PLCL2: variants seen among roughly 807,000 people sequenced by gnomAD.
The protein encoded by PLCL2 is phospholipase C like 2.
PLCL2 carries 4 observed loss-of-function variants against 79.6 expected under a neutral mutation model. The ratio of observed to expected loss-of-function variants is 0.05; its 90% CI spans 0.02 to 0.11. PLCL2 has a LOEUF of 0.11. PLCL2 is among the 10% of genes least tolerant of loss of function. PLCL2 has a pLI of 1.00. For synonymous variants in PLCL2, 484 were observed against 457.7 expected (o/e 1.06, Z -0.73); for missense variants, 895 against 1,291.0 (o/e 0.69, Z 4.70).
At position 17,089,640 on chromosome 3, in the gene PLCL2, A is replaced by T. The variant is rs1241995390; in HGVS notation, c.3205-93A>T. The T allele has an allele frequency of 5.2e-6, 4 of 766,566 alleles. No homozygotes were observed. The African/African-American group carries it at 7.0e-5, about 13-fold the overall frequency. 47.5% of individuals were successfully genotyped at this position (766,566 alleles called of 1,614,324 possible). A position where few individuals can be genotyped will look rare whatever the true frequency, so the allele number is the denominator to read the frequency against. ...TAATTATGCCTTCTTGTGGAATCAG[A>T]ATACTTCTATTTCAGTGAAAGATAG... On this transcript the variant is annotated intron_variant, in intron 5 of 5. Coordinates refer to ENST00000615277, the MANE Select transcript of PLCL2 (RefSeq NM_001144382.2).
intron 4 of PLCL2, among the ~76,000 whole-genome samples, chr3:17,050,243 T>C (rs1169914247): frequency 6.6e-6 from 1 of 152,140 alleles, no homozygotes; most frequent in African/African-American, 2.4e-5. Context: ...GGGGAAACTT[T>C]CCAGGCATTG....
chr3:17,072,853 T>C (rs2065073781), intron 5 of PLCL2, among the ~76,000 whole-genome samples: 1 of 152,180 alleles, frequency 6.6e-6, no homozygotes, highest in African/African-American at 2.4e-5. Flanking sequence ...AAGTCACCCA[T>C]GCTTTCCTGC....
intron 4 of PLCL2, among the ~76,000 whole-genome samples, chr3:17,052,255 T>TAAAA: frequency 7.9e-6 from 1 of 126,432 alleles, no homozygotes; most frequent in African/African-American, 2.9e-5. Context: ...AAAAAAAAAT[T>TAAAA]GGGGGGGGGT....
intron 1 of PLCL2, among the ~76,000 whole-genome samples, chr3:16,966,702 A>G (rs1158093406): frequency 6.6e-6 from 1 of 151,932 alleles, no homozygotes; most frequent in Admixed American, 6.6e-5. Flanking sequence ...AGAGCCTGTC[A>G]TTGGTCTATT....
intron 1 of PLCL2, among the ~76,000 whole-genome samples, chr3:16,998,068 T>C (rs2064171780): frequency 6.6e-6 from 1 of 152,192 alleles, no homozygotes; most frequent in African/African-American, 2.4e-5. Flanking sequence ...CCCAGGGCAA[T>C]AGCTTTGCCC....
At chr3:16,940,484 T>G (rs911039384) in intron 1 of PLCL2, among the ~76,000 whole-genome samples, 3 of 152,164 alleles carry the variant, frequency 2.0e-5, no homozygotes, top group African/African-American at 7.2e-5. Flanking sequence ...CAGTAGGTAC[T>G]GGGGGCTAGA....
intron 4 of PLCL2, among the ~76,000 whole-genome samples, chr3:17,058,253 T>C (rs1158184270): frequency 6.6e-6 from 1 of 152,076 alleles, no homozygotes; most frequent in African/African-American, 2.4e-5. Context: ...GAATATCACA[T>C]GGGAAAAACA....
chr3:16,910,261 GT>G (rs948925996), intron 1 of PLCL2, among the ~76,000 whole-genome samples: 1 of 151,500 alleles, frequency 6.6e-6, no homozygotes, highest in South Asian at 2.1e-4. Context: ...CCTTGCTCCT[GT>G]TTTTTTTTAA....
intron 1 of PLCL2, among the ~76,000 whole-genome samples, chr3:16,944,485 G>A (rs2063582616): frequency 6.6e-6 from 1 of 152,068 alleles, no homozygotes; most frequent in Non-Finnish European, 1.5e-5. Flanking sequence ...TAGAGATAGG[G>A]CCTTTAAAGA....
At chr3:17,082,766 C>T (rs576309761) in intron 5 of PLCL2, among the ~76,000 whole-genome samples, 28 of 151,668 alleles carry the variant, frequency 1.8e-4, no homozygotes, top group South Asian at 8.4e-4. Flanking sequence ...TATGCTGACA[C>T]GGAAAGATCA....
chr3:16,925,374 T>C (rs1424345597), intron 1 of PLCL2, among the ~76,000 whole-genome samples: 1 of 152,190 alleles, frequency 6.6e-6, no homozygotes. Flanking sequence ...TCTTTATTGC[T>C]GCTATCTAAT....
chr3:16,996,397 A>G (rs1448410196), intron 1 of PLCL2, among the ~76,000 whole-genome samples: 2 of 152,118 alleles, frequency 1.3e-5, no homozygotes, highest in Admixed American at 1.3e-4. Flanking sequence ...TCCAGCCTCC[A>G]GCTGGACACC....
At chr3:16,922,096 C>T (rs1266251533) in intron 1 of PLCL2, among the ~76,000 whole-genome samples, 1 of 152,050 alleles carries the variant, frequency 6.6e-6, no homozygotes, top group African/African-American at 2.4e-5. Context: ...TAGTTATGAA[C>T]TTTTAAAATT....
At chr3:16,967,754 A>G (rs544994087) in intron 1 of PLCL2, among the ~76,000 whole-genome samples, 7 of 152,036 alleles carry the variant, frequency 4.6e-5, no homozygotes, top group Non-Finnish European at 8.8e-5. Context: ...TGTGCAAAAG[A>G]TCTTTAGTTT....
At chr3:16,958,526 T>A (rs1311907461) in intron 1 of PLCL2, among the ~76,000 whole-genome samples, 1 of 152,182 alleles carries the variant, frequency 6.6e-6, no homozygotes, top group East Asian at 1.9e-4. Context: ...AAACCATTGT[T>A]TAGGATCATT....
chr3:16,893,003 A>G (rs1380410292), intron 1 of PLCL2, among the ~76,000 whole-genome samples: 1 of 152,114 alleles, frequency 6.6e-6, no homozygotes, highest in Non-Finnish European at 1.5e-5. Flanking sequence ...TGACTTCTTG[A>G]TCTTAGCAGT....
intron 2 of PLCL2, among the ~76,000 whole-genome samples, chr3:17,014,265 C>T (rs1176560495): frequency 6.6e-6 from 1 of 152,174 alleles, no homozygotes; most frequent in Non-Finnish European, 1.5e-5. Context: ...ATTCAGGTTT[C>T]TACCTTGCAA....
intron 4 of PLCL2, among the ~76,000 whole-genome samples, chr3:17,062,003 T>TTCC (rs2064957690): frequency 6.6e-6 from 1 of 152,166 alleles, no homozygotes; most frequent in African/African-American, 2.4e-5. Flanking sequence ...GGTTTCCTCA[T>TTCC]GGTTAACATT....
chr3:17,088,074 T>C (rs1404215686), intron 5 of PLCL2, among the ~76,000 whole-genome samples: 1 of 152,228 alleles, frequency 6.6e-6, no homozygotes, highest in Non-Finnish European at 1.5e-5. Flanking sequence ...AACATCTATT[T>C]ATAGTTACTA....
Sources: allele counts gnomAD v4.1 joint callset (sites outside exome capture counted in the v4.1 genomes callset), GRCh38; gene constraint gnomAD v4.1.1; transcripts MANE v1.5; gene names NCBI Gene and HGNC (gene_info 2026-07-23, HGNC 2026-07-21).